SNX8: variants seen among roughly 807,000 people sequenced by gnomAD.
The protein encoded by SNX8 is sorting nexin 8, also known as sorting nexin-8.
A neutral mutation model predicts 51.6 loss-of-function variants in SNX8; 25 were observed. That is an observed-to-expected ratio of 0.48 (90% CI 0.35 to 0.68). SNX8 has a LOEUF of 0.68. Ranked by LOEUF, SNX8 falls within the 30% of genes least tolerant of loss-of-function variation. SNX8 has a pLI of 0.00. For missense variants in SNX8, 695 were observed against 624.0 expected (o/e 1.11, Z -1.21); for synonymous variants, 324 against 277.0 (o/e 1.17, Z -1.68).
At chr7:2,263,881 T>A (rs1420477594) in intron 6 of SNX8, among the ~76,000 whole-genome samples, 1 of 151,824 alleles carries the variant, frequency 6.6e-6, no homozygotes, top group Admixed American at 6.6e-5. Context: ...CCCAGAGAAC[T>A]TTTTTTTGTA....
chr7:2,346,519 G>A (rs558452952), intron 1 of SNX8, among the ~76,000 whole-genome samples: 104 of 151,180 alleles, frequency 6.9e-4, no homozygotes, highest in African/African-American at 2.3e-3. Flanking sequence ...AGGCCGAGGT[G>A]GGAGGATCAC....
At chr7:2,301,543 A>G (rs1796393678) in intron 1 of SNX8, among the ~76,000 whole-genome samples, 1 of 152,374 alleles carries the variant, frequency 6.6e-6, no homozygotes, top group African/African-American at 2.4e-5. Context: ...ACTTAGAGGC[A>G]GTGTTGCACT....
chr7:2,289,063 G>C (rs571730153), intron 1 of SNX8, among the ~76,000 whole-genome samples: 1 of 152,088 alleles, frequency 6.6e-6, no homozygotes, highest in African/African-American at 2.4e-5. Flanking sequence ...AACCACGGTC[G>C]AAAGTCAGTT....
intron 1 of SNX8, among the ~76,000 whole-genome samples, chr7:2,288,787 G>A (rs1163982425): frequency 1.3e-5 from 2 of 152,162 alleles, no homozygotes; most frequent in Non-Finnish European, 2.9e-5. Flanking sequence ...AGGCTGGAGT[G>A]CAGTGATGCA....
chr7:2,304,104 T>C (rs950677893), intron 1 of SNX8, among the ~76,000 whole-genome samples: 2 of 148,806 alleles, frequency 1.3e-5, no homozygotes, highest in African/African-American at 4.9e-5. Flanking sequence ...GAGGCGGAGC[T>C]TGCAGTGAGC....
intron 5 of SNX8, among the ~76,000 whole-genome samples, chr7:2,268,554 G>T (rs1387859084): frequency 6.9e-6 from 1 of 145,598 alleles, no homozygotes. Flanking sequence ...GAGGTGGGGG[G>T]GTCAGCCCCC....
At chr7:2,302,905 G>A (rs1195149371) in intron 1 of SNX8, among the ~76,000 whole-genome samples, 1 of 148,588 alleles carries the variant, frequency 6.7e-6, no homozygotes, top group Non-Finnish European at 1.5e-5. Context: ...CCTCCGCCCG[G>A]CAGCCGCCCT....
chr7:2,318,459 G>C (rs1157498030), upstream of SNX8, among the ~76,000 whole-genome samples: 5 of 150,396 alleles, frequency 3.3e-5, no homozygotes, highest in Non-Finnish European at 4.4e-5. Context: ...GGGAGGCAGA[G>C]CTTGCAGTGA....
At chr7:2,306,569 C>T (rs1301998806) in intron 1 of SNX8, among the ~76,000 whole-genome samples, 1 of 151,990 alleles carries the variant, frequency 6.6e-6, no homozygotes, top group African/African-American at 2.4e-5. Context: ...TATACAGACA[C>T]TAGGTAGAAA....
intron 5 of SNX8, among the ~76,000 whole-genome samples, chr7:2,265,024 GACTCTGTCTCAAAACAA>G (rs548396400): frequency 1.3e-5 from 2 of 152,064 alleles, no homozygotes; most frequent in East Asian, 3.9e-4. Flanking sequence ...GACAGAACGA[GACTCTGTCTCAAAACAA>G]ACAAACCAAC....
chr7:2,348,811 G>A (rs1049895695), intron 1 of SNX8, among the ~76,000 whole-genome samples: 5 of 151,672 alleles, frequency 3.3e-5, no homozygotes, highest in Non-Finnish European at 5.9e-5. Flanking sequence ...AATTAGACGG[G>A]CATAGTGGTG....
Position 2,271,964 on chromosome 7 carries a change from C to T in SNX8, c.426G>A (p.Arg142=). The T allele has an allele frequency of 6.2e-7, 1 of 1,614,044 alleles. No individual in the cohort carries two copies. The highest frequency in any genetic ancestry group is 1.1e-5 in the South Asian group (1 of 91,090). ...CTCTCCTCCTGGCCTCGATGAACTC[C>T]CTGTCAGCTGGAGGAGCACACGGGG... ...LPPKRMLGAD[R]EFIEARRRAL... is the part of the protein sequence containing the mutation. The change falls in exon 4 of 11, where the codon AGG becomes AGA. Residue 142 remains arginine, a synonymous_variant. Transcript: ENST00000222990.
chr7:2,336,227 C>T (rs775105171), intron 1 of SNX8, among the ~76,000 whole-genome samples: 2 of 151,412 alleles, frequency 1.3e-5, no homozygotes, highest in Non-Finnish European at 2.9e-5. Flanking sequence ...CATGGAGAAA[C>T]CCCATATCTA....
At chr7:2,289,519 G>A (rs1246257441) in intron 1 of SNX8, among the ~76,000 whole-genome samples, 1 of 152,094 alleles carries the variant, frequency 6.6e-6, no homozygotes, top group African/African-American at 2.4e-5. Flanking sequence ...TAACACAGTT[G>A]CGATCCATTA....
chr7:2,301,108 G>C (rs1050509958), intron 1 of SNX8, among the ~76,000 whole-genome samples: 1 of 152,208 alleles, frequency 6.6e-6, no homozygotes, highest in Non-Finnish European at 1.5e-5. Context: ...AAAGGACCTA[G>C]CACAATTGTC....
chr7:2,334,671 G>T (rs1778793011), intron 1 of SNX8, among the ~76,000 whole-genome samples: 1 of 151,966 alleles, frequency 6.6e-6, no homozygotes, highest in South Asian at 2.1e-4. Context: ...CTGCACTCCA[G>T]CCTGGGTGAC....
intron 2 of SNX8, 116 bp from the exon 3 acceptor site, chr7:2,275,345 CT>C: frequency 1.4e-6 from 1 of 736,660 alleles, no homozygotes; most frequent in Admixed American, 1.9e-5. Flanking sequence ...CTCACCAGGC[CT>C]TTACTAAATG....
chr7:2,311,856 G>C (rs1796664106), intron 1 of SNX8, among the ~76,000 whole-genome samples: 1 of 151,570 alleles, frequency 6.6e-6, no homozygotes, highest in Non-Finnish European at 1.5e-5. Context: ...AGAATGGCAT[G>C]AACCCGGGAG....
intron 5 of SNX8, among the ~76,000 whole-genome samples, chr7:2,265,729 T>C (rs1303395583): frequency 6.6e-6 from 1 of 152,262 alleles, no homozygotes; most frequent in Admixed American, 6.5e-5. Flanking sequence ...AGGCCTCTTC[T>C]ATGCCGCGTT....
Sources: gnomAD v4.1 joint callset for allele counts (sites outside exome capture counted in the v4.1 genomes callset) on GRCh38, gnomAD v4.1.1 for gene constraint, MANE v1.5 for transcripts, NCBI Gene and HGNC (gene_info 2026-07-23, HGNC 2026-07-21) for gene names.